The following HERC1 variants were observed in gnomAD, a reference collection of about 807,000 sequenced individuals.
HERC1 encodes the protein probable E3 ubiquitin-protein ligase HERC1.
A neutral mutation model predicts 554.3 loss-of-function variants in HERC1; 160 were observed. The observed-to-expected ratio is 0.29, with a 90% CI of 0.25 to 0.33. HERC1 has a LOEUF of 0.33. Among genes scored for constraint, HERC1 ranks in the 10% least tolerant of loss-of-function variants. HERC1 has a pLI of 1.00. For missense variants in HERC1, 4,919 were observed against 5,918.5 expected (o/e 0.83, Z 5.54); for synonymous variants, 2,175 against 2,131.7 (o/e 1.02, Z -0.56).
chr15:63,770,360 T>C (rs2075914506), intron 2 of HERC1, among the ~76,000 whole-genome samples: 1 of 152,220 alleles, frequency 6.6e-6, no homozygotes, highest in Non-Finnish European at 1.5e-5. Context: ...ACTTCTACTA[T>C]AGCCCATTAT....
chr15:63,731,841 G>T (rs1339330595), intron 14 of HERC1, among the ~76,000 whole-genome samples: 1 of 152,186 alleles, frequency 6.6e-6, no homozygotes, highest in African/African-American at 2.4e-5. Context: ...CTGGCTAGAT[G>T]GGGTTATTTG....
At chr15:63,832,570 C>A (rs992355427) in intron 1 of HERC1, among the ~76,000 whole-genome samples, 2 of 152,132 alleles carry the variant, frequency 1.3e-5, no homozygotes, top group Non-Finnish European at 2.9e-5. Context: ...GAGCAACCAC[C>A]ACTAACAGAA....
rs1385236276 is a variant in HERC1 at position 63,749,922 on chromosome 15, TG to T, written c.1903-132del. On this transcript the variant is annotated intron_variant, in intron 8 of 77. Transcript: ENST00000443617. The surrounding 1 kb of genome is among the most constrained non-coding windows in gnomAD (Gnocchi z 4.1). Reference sequence around the variant, plus strand: ...TAACTTTCTGATGTTAAAATCATTTTGATCATTTTAAAGATTGTTACAGCGA... The same window carrying T: ...TAACTTTCTGATGTTAAAATCATTTTATCATTTTAAAGATTGTTACAGCGA... 2 of 787,054 alleles carry T rather than the reference TG, an allele frequency of 2.5e-6. No homozygotes were observed. The highest frequency in any genetic ancestry group is 3.8e-6 in the Non-Finnish European group (2 of 526,754). 48.8% of individuals were successfully genotyped at this position (787,054 alleles called of 1,614,324 possible).
At position 63,615,829 on chromosome 15, in the gene HERC1, GA is replaced by G; in HGVS notation, c.14032del (p.Ser4678ProfsTer61). Reference protein sequence around the residue: ...PGGNSIPLTFSNRKEYVERAI... With the variant: ...PGGNSIPLTFXNRKEYVERAI... ...CCTCTCCACATATTCCTTCCTGTTG[GA>G]AAATGTGAGTGGGATACTATTTCCA... On this transcript the variant is annotated frameshift_variant, in exon 76 of 78. Transcript: ENST00000443617. LOFTEE classifies it high-confidence loss of function. 6.2e-7 allele frequency: 1 copy of G among 1,607,498 alleles called. No individual in the cohort carries two copies. The highest frequency in any genetic ancestry group is 2.3e-5 in the East Asian group (1 of 44,432).
At chr15:63,643,667 T>C (rs2069179140) in intron 57 of HERC1, 117 bp from the exon 58 acceptor site, 4 of 667,952 alleles carry the variant, frequency 6.0e-6, no homozygotes, top group Non-Finnish European at 7.3e-6. Flanking sequence ...GGGGGAGAGA[T>C]AATTTCTCTC....
At chr15:63,613,533 T>C (rs543560159) in intron 76 of HERC1, among the ~76,000 whole-genome samples, 1 of 152,340 alleles carries the variant, frequency 6.6e-6, no homozygotes, top group African/African-American at 2.4e-5. Flanking sequence ...ATAGGGACCA[T>C]ACCTTAAGGA....
intron 24 of HERC1, among the ~76,000 whole-genome samples, chr15:63,708,099 A>G (rs2073111938): frequency 6.6e-6 from 1 of 152,124 alleles, no homozygotes; most frequent in Non-Finnish European, 1.5e-5. Context: ...TAAGTATTAT[A>G]TATTCTTGGA....
chr15:63,643,102 G>T (rs774847576), intron 58 of HERC1, 44 bp from the exon 59 acceptor site: 4 of 1,188,448 alleles, frequency 3.4e-6, no homozygotes, highest in Admixed American at 1.9e-5. Context: ...TGAACTGTAG[G>T]TATAATTTAC....
intron 77 of HERC1, among the ~76,000 whole-genome samples, chr15:63,609,518 G>C (rs1162164869): frequency 6.6e-6 from 1 of 152,226 alleles, no homozygotes; most frequent in African/African-American, 2.4e-5. Context: ...GTGAGGAGAA[G>C]CTCTGACTGG....
Position 63,609,615 on chromosome 15 carries a change from C to T in HERC1, c.14401-349G>A, listed in dbSNP as rs142753603. Reference sequence around the variant, plus strand: ...AGGGCACCTGTCCTTCATACCCATCCACCAAGAGGGTGCAGACTGGAAGCC... The same window carrying T: ...AGGGCACCTGTCCTTCATACCCATCTACCAAGAGGGTGCAGACTGGAAGCC... On this transcript the variant is annotated intron_variant, in intron 77 of 77. Transcript: ENST00000443617. Among the ~76,000 whole-genome samples the T allele has an allele frequency of 1.6e-3, 246 of 152,334 alleles. 1 individual carries two copies. The highest frequency in any genetic ancestry group is 5.7e-3 in the African/African-American group (237 of 41,568).
intron 53 of HERC1, among the ~76,000 whole-genome samples, chr15:63,650,440 G>A (rs1209411344): frequency 1.3e-5 from 2 of 150,816 alleles, no homozygotes; most frequent in African/African-American, 2.4e-5. Flanking sequence ...TTGAAAGAGG[G>A]TCTTGCTGTG....
In HERC1 at chr15:63,680,110, A is replaced by AC; in HGVS notation, c.6515dup (p.Cys2172TrpfsTer6). On this transcript the variant is annotated frameshift_variant, in exon 36 of 78. Transcript: ENST00000443617. LOFTEE classifies it high-confidence loss of function. The surrounding 1 kb of genome is among the most constrained non-coding windows in gnomAD (Gnocchi z 5.8). ...CTGGATTGCTACTATAGAACATCAC[A>AC]CATGGGTACAACTCTGCTGCATCCA... 1 of 1,613,336 alleles carries AC rather than the reference A, an allele frequency of 6.2e-7. No individual in the cohort carries two copies. Among genetic ancestry groups the AC allele is most frequent in the Non-Finnish European group, 8.5e-7 (1 of 1,179,440 alleles).
intron 2 of HERC1, among the ~76,000 whole-genome samples, chr15:63,772,300 G>A (rs537068491): frequency 6.6e-6 from 1 of 152,172 alleles, no homozygotes; most frequent in East Asian, 1.9e-4. Flanking sequence ...TAAGGTCCTC[G>A]AGGAAGAGGC....
intron 48 of HERC1, 74 bp downstream of exon 48, chr15:63,658,470 C>G: frequency 7.3e-7 from 1 of 1,371,702 alleles, no homozygotes; most frequent in Non-Finnish European, 9.9e-7. Context: ...CTCACCCTCC[C>G]AAACACCACC....
chr15:63,693,546 G>A (rs887046262), intron 30 of HERC1, among the ~76,000 whole-genome samples: 6 of 152,064 alleles, frequency 3.9e-5, no homozygotes, highest in African/African-American at 1.4e-4. Flanking sequence ...GCCTGGCCTG[G>A]GGGACAATTT....
At chr15:63,659,296 G>A (rs1287480672) in intron 47 of HERC1, among the ~76,000 whole-genome samples, 1 of 152,068 alleles carries the variant, frequency 6.6e-6, no homozygotes, top group Non-Finnish European at 1.5e-5. Context: ...CTGTCACCCA[G>A]GCTGGAGTGC....
At position 63,692,447 on chromosome 15, in the gene HERC1, CT is replaced by C; in HGVS notation, c.5793del (p.Val1932CysfsTer3). ...QSKMASPKWT[E>X]VLLNIASQKC... The stretch of plus-strand genomic sequence containing the variant: ...TTCTGAGATGCTATATTTAGAAGCA[CT>C]TCGGTCCACTTTGGGGAAGCCATTT... On this transcript the variant is annotated frameshift_variant, in exon 31 of 78. Coordinates refer to ENST00000443617, the MANE Select transcript of HERC1 (RefSeq NM_003922.4). LOFTEE classifies it high-confidence loss of function. This position sits in a 1 kb window ranked among gnomAD's most constrained non-coding sequence, Gnocchi z 4.7. 1 of 1,612,136 alleles carries C rather than the reference CT, an allele frequency of 6.2e-7. No individual in the cohort carries two copies. The highest frequency in any genetic ancestry group is 8.5e-7 in the Non-Finnish European group (1 of 1,179,428).
chr15:63,826,134 A>G (rs1429127721), intron 1 of HERC1, among the ~76,000 whole-genome samples: 1 of 152,154 alleles, frequency 6.6e-6, no homozygotes, highest in African/African-American at 2.4e-5. Flanking sequence ...TTGATTTTCA[A>G]TTAATGTGTT....
At chr15:63,620,039 T>C (rs896848441) in intron 74 of HERC1, among the ~76,000 whole-genome samples, 1 of 152,242 alleles carries the variant, frequency 6.6e-6, no homozygotes, top group Non-Finnish European at 1.5e-5. Flanking sequence ...CTGCTAGCTT[T>C]TGAATGTGTT....
Sources: gnomAD v4.1 joint callset for allele counts (sites outside exome capture counted in the v4.1 genomes callset) on GRCh38, gnomAD v4.1.1 for gene constraint, Gnocchi (gnomAD v3.1) non-coding constraint, MANE v1.5 for transcripts, NCBI Gene and HGNC (gene_info 2026-07-23, HGNC 2026-07-21) for gene names.